Variants in IL1RAP observed in about 807,000 individuals in gnomAD.
IL1RAP encodes the protein interleukin 1 receptor accessory protein, also known as interleukin-1 receptor accessory protein.
IL1RAP carries 35 observed loss-of-function variants against 60.7 expected under a neutral mutation model. That is an observed-to-expected ratio of 0.58 (90% CI 0.44 to 0.76). The LOEUF is 0.76. Ranked by LOEUF, IL1RAP falls within the 30% of genes least tolerant of loss-of-function variation. The pLI, the probability that IL1RAP is intolerant of heterozygous loss-of-function variation, is 0.00. For synonymous variants in IL1RAP, 268 were observed against 250.9 expected (o/e 1.07, Z -0.64); for missense variants, 572 against 693.9 (o/e 0.82, Z 1.97).
intron 1 of IL1RAP, among the ~76,000 whole-genome samples, chr3:190,527,964 C>T (rs1722661017): frequency 1.3e-5 from 2 of 151,922 alleles, no homozygotes; most frequent in Non-Finnish European, 1.5e-5. Context: ...ATCTTTCTCT[C>T]TCTGAGAATG....
chr3:190,548,027 T>C (rs1051612808), intron 1 of IL1RAP, among the ~76,000 whole-genome samples: 5 of 152,154 alleles, frequency 3.3e-5, no homozygotes, highest in Non-Finnish European at 2.9e-5. Context: ...CAATCATTTT[T>C]CTGAAAGAAT....
intron 1 of IL1RAP, among the ~76,000 whole-genome samples, chr3:190,520,205 T>A (rs151201699): frequency 1.3e-3 from 194 of 152,324 alleles, no homozygotes; most frequent in African/African-American, 4.3e-3. Flanking sequence ...TGGTTTATTC[T>A]GCCCTGTGCC....
At chr3:190,575,313 T>G (rs1386030162) in intron 3 of IL1RAP, among the ~76,000 whole-genome samples, 1 of 152,218 alleles carries the variant, frequency 6.6e-6, no homozygotes, top group Non-Finnish European at 1.5e-5. Context: ...TTGCCTGTAT[T>G]GGTAACCAAA....
At chr3:190,562,131 A>G (rs895936940) in intron 2 of IL1RAP, among the ~76,000 whole-genome samples, 5 of 152,076 alleles carry the variant, frequency 3.3e-5, no homozygotes, top group African/African-American at 1.2e-4. Context: ...TTTATATACT[A>G]TTTTCCATTT....
chr3:190,536,074 C>T (rs1723435626), intron 1 of IL1RAP, among the ~76,000 whole-genome samples: 1 of 152,090 alleles, frequency 6.6e-6, no homozygotes, highest in Non-Finnish European at 1.5e-5. Flanking sequence ...TGAAATGGCC[C>T]CAGACCCCCA....
intron 6 of IL1RAP, among the ~76,000 whole-genome samples, chr3:190,621,375 T>A (rs1233892835): frequency 6.6e-6 from 1 of 152,182 alleles, no homozygotes; most frequent in Non-Finnish European, 1.5e-5. Flanking sequence ...TAATCACTTC[T>A]GTTCTTTTTC....
intron 9 of IL1RAP, among the ~76,000 whole-genome samples, chr3:190,640,958 T>C (rs1278504839): frequency 6.6e-6 from 1 of 151,060 alleles, no homozygotes; most frequent in African/African-American, 2.5e-5. Flanking sequence ...GGAAATTCTT[T>C]TTTTATTTTT....
At chr3:190,595,182 G>C (rs1222463821) in intron 3 of IL1RAP, among the ~76,000 whole-genome samples, 2 of 152,122 alleles carry the variant, frequency 1.3e-5, no homozygotes, top group Non-Finnish European at 2.9e-5. Context: ...CCTTTGTTTT[G>C]TTTGCCAGTG....
intron 1 of IL1RAP, among the ~76,000 whole-genome samples, chr3:190,525,545 C>A (rs1170602304): frequency 6.6e-6 from 1 of 152,140 alleles, no homozygotes; most frequent in East Asian, 1.9e-4. Context: ...TGTTTAGAGC[C>A]TTGAACAGAG....
chr3:190,648,592 C>A lies in IL1RAP; in HGVS notation c.1600C>A (p.Pro534Thr), dbSNP rs1487570289. Residue 534 changes from proline to threonine, a missense_variant, in exon 12 of 12, where the codon CCA becomes ACA. Physicochemically the swap from Pro to Thr is conservative, Grantham distance 38. Transcript: ENST00000447382. ...IKWKGEKSKY[P>T]QGRFWKQLQV... ...ATGGAAAGGGGAAAAATCCAAGTATCCACAGGGCAGGTTCTGGAAGCAGCT... is the reference window on the plus strand; with the variant it reads ...ATGGAAAGGGGAAAAATCCAAGTATACACAGGGCAGGTTCTGGAAGCAGCT... The A allele has an allele frequency of 6.2e-7, 1 of 1,614,168 alleles. No individual in the cohort carries two copies.
intron 1 of IL1RAP, among the ~76,000 whole-genome samples, chr3:190,538,065 G>C (rs1024316779): frequency 2.0e-5 from 3 of 152,018 alleles, no homozygotes; most frequent in Admixed American, 1.3e-4. Context: ...TACCCACACA[G>C]AAGCACACAC....
chr3:190,585,616 A>G (rs766233647), intron 3 of IL1RAP, among the ~76,000 whole-genome samples: 4 of 152,144 alleles, frequency 2.6e-5, no homozygotes, highest in Non-Finnish European at 4.4e-5. Flanking sequence ...GTTTGAGACC[A>G]GCCTGGGCAA....
intron 1 of IL1RAP, among the ~76,000 whole-genome samples, chr3:190,540,238 C>G (rs57303196): frequency 0.031 from 4,656 of 152,108 alleles, 209 homozygotes; most frequent in African/African-American, 0.1. Context: ...ATCCCTCTCT[C>G]TCTTCTCTCT....
intron 5 of IL1RAP, among the ~76,000 whole-genome samples, chr3:190,618,703 A>G (rs1378503192): frequency 1.3e-5 from 2 of 152,244 alleles, no homozygotes; most frequent in African/African-American, 4.8e-5. Context: ...TTATAAGAAT[A>G]CAGGCCTTTG....
chr3:190,558,812 A>G (rs151038497), intron 2 of IL1RAP, among the ~76,000 whole-genome samples: 23 of 152,284 alleles, frequency 1.5e-4, no homozygotes, highest in African/African-American at 5.5e-4. Flanking sequence ...TGACTTCTCT[A>G]TGTTGAGTTT....
rs1730621074 is a variant in IL1RAP at position 190,609,241 on chromosome 3, T to C, written c.537+60T>C. ...ATGGCTTATAAAATGATAATGCTTA[T>C]TTGCTGAGTTATATTTATAAGCAAA... is the stretch of plus-strand genomic sequence containing the variant. On this transcript the variant is annotated intron_variant, in intron 5 of 11. Coordinates refer to ENST00000447382, the MANE Select transcript of IL1RAP (RefSeq NM_002182.4). 4 of 1,168,214 alleles carry C rather than the reference T, an allele frequency of 3.4e-6. No homozygotes were observed. In the South Asian group the frequency reaches 4.5e-5, roughly 13 times the overall value. 72.4% of individuals were successfully genotyped at this position (1,168,214 alleles called of 1,614,324 possible).
intron 3 of IL1RAP, among the ~76,000 whole-genome samples, chr3:190,584,128 T>C (rs1031464837): frequency 6.6e-6 from 1 of 152,220 alleles, no homozygotes; most frequent in Non-Finnish European, 1.5e-5. Context: ...ATCAGATAGA[T>C]AGAATTGTAC....
intron 3 of IL1RAP, among the ~76,000 whole-genome samples, chr3:190,592,530 C>T (rs1055695724): frequency 3.3e-5 from 5 of 152,130 alleles, no homozygotes; most frequent in African/African-American, 1.2e-4. Context: ...CTTCGTTAGA[C>T]CAGGAAGCTT....
intron 1 of IL1RAP, among the ~76,000 whole-genome samples, chr3:190,537,966 T>A (rs914950426): frequency 2.6e-5 from 4 of 152,158 alleles, no homozygotes; most frequent in Admixed American, 6.6e-5. Flanking sequence ...TTTACTCAGA[T>A]TATTTTTGCT....
Sources: allele counts gnomAD v4.1 joint callset (sites outside exome capture counted in the v4.1 genomes callset), GRCh38; gene constraint gnomAD v4.1.1; transcripts MANE v1.5; gene names NCBI Gene and HGNC (gene_info 2026-07-23, HGNC 2026-07-21).